The following CEP85 variants were observed in gnomAD, a reference collection of about 807,000 sequenced individuals.
The protein encoded by CEP85 is centrosomal protein 85.
A neutral mutation model predicts 93.7 loss-of-function variants in CEP85; 58 were observed. That is an observed-to-expected ratio of 0.62 (90% CI 0.50 to 0.77). The LOEUF is 0.77. CEP85 is among the 30% of genes least tolerant of loss of function. The probability of loss-of-function intolerance (pLI) is 0.00; values close to 1 mark genes in which losing one functional copy is unlikely to be tolerated. For synonymous variants in CEP85, 314 were observed against 338.6 expected (o/e 0.93, Z 0.80); for missense variants, 868 against 922.0 (o/e 0.94, Z 0.76).
rs778405534 is a variant in CEP85, at chr1:26,255,297, G to T, written c.335G>T (p.Gly112Val). The T allele has an allele frequency of 6.2e-7, 1 of 1,613,980 alleles. No individual in the cohort carries two copies. The highest frequency in any genetic ancestry group is 8.5e-7 in the Non-Finnish European group (1 of 1,180,036). ...GCCAAGCCAAATTCTACACCTGTTG[G>T]ACCCTCTTCCTCTAAACTCCCTTTG... ...SPAKPNSTPV[G>V]PSSSKLPLSG... is the part of the protein sequence containing the mutation. The change falls in exon 4 of 14, where the codon GGA (glycine) becomes GTA (valine). Residue 112 changes from glycine to valine, a missense_variant. Gly to Val is a moderately radical substitution (Grantham distance 109). Transcript: ENST00000451429.
At chr1:26,267,954 G>A (rs2089916572) in intron 7 of CEP85, among the ~76,000 whole-genome samples, 1 of 152,202 alleles carries the variant, frequency 6.6e-6, no homozygotes, top group African/African-American at 2.4e-5. Flanking sequence ...GGCCTCCCAG[G>A]AACCAGGTAC....
chr1:26,239,293 G>A (rs1427787870), intron 1 of CEP85, among the ~76,000 whole-genome samples: 1 of 152,130 alleles, frequency 6.6e-6, no homozygotes, highest in Non-Finnish European at 1.5e-5. Context: ...AGTAAAACAT[G>A]TAAAAACATA....
At chr1:26,249,299 C>G (rs926768556) in intron 3 of CEP85, among the ~76,000 whole-genome samples, 1 of 152,202 alleles carries the variant, frequency 6.6e-6, no homozygotes, top group Non-Finnish European at 1.5e-5. Flanking sequence ...CCAGACTGGT[C>G]TCGAAGTCCT....
intron 11 of CEP85, among the ~76,000 whole-genome samples, chr1:26,274,544 G>A (rs1264129976): frequency 6.6e-6 from 1 of 152,224 alleles, no homozygotes; most frequent in Non-Finnish European, 1.5e-5. Flanking sequence ...ATTGAAGACA[G>A]CTCAGGTGTG....
chr1:26,244,364 T>A, intron 3 of CEP85, 46 bp downstream of exon 3: 2 of 1,562,270 alleles, frequency 1.3e-6, no homozygotes, highest in South Asian at 2.3e-5. Flanking sequence ...GTTCTCATTT[T>A]CAGATTGCAT....
chr1:26,263,459 A>T (rs77654383), intron 7 of CEP85: 2,624 of 157,472 alleles, frequency 0.017, 81 homozygotes, highest in African/African-American at 0.059. Flanking sequence ...AAGGAGCAGG[A>T]TGGCAGGGAC....
rs1372659119 is a variant in CEP85, at chr1:26,272,048, G to C, written c.1771G>C (p.Asp591His). ...KIVEKQQQKM[D>H]QLRSQVQSLE... ...TGTGGAGAAGCAGCAGCAGAAGATGGATCAGTTGCGCTCACAAGTACAGGT... is the reference window on the plus strand; with the variant it reads ...TGTGGAGAAGCAGCAGCAGAAGATGCATCAGTTGCGCTCACAAGTACAGGT... Residue 591 changes from aspartate (D) to histidine (H), a missense_variant, in exon 11 of 14, where the codon GAT (aspartate) becomes CAT (histidine). By Grantham distance (81) the Asp-to-His change is moderately conservative. Transcript: ENST00000451429. The C allele has an allele frequency of 1.2e-6, 2 of 1,614,030 alleles. No homozygotes were observed. Among genetic ancestry groups the C allele is most frequent in the Middle Eastern group, 1.6e-4 (1 of 6,084 alleles).
intron 3 of CEP85, among the ~76,000 whole-genome samples, 188 bp downstream of exon 3, chr1:26,244,506 C>T (rs2089479760): frequency 6.6e-6 from 1 of 152,094 alleles, no homozygotes; most frequent in South Asian, 2.1e-4. Flanking sequence ...TAAATTTCTA[C>T]TTTTTATCTT....
At chr1:26,274,155 C>T (rs1329671359) in intron 11 of CEP85, among the ~76,000 whole-genome samples, 2 of 151,660 alleles carry the variant, frequency 1.3e-5, no homozygotes, top group Non-Finnish European at 2.9e-5. Context: ...AAATATCTCC[C>T]TTCCCCTGAC....
intron 3 of CEP85, among the ~76,000 whole-genome samples, chr1:26,247,372 T>C (rs1012054267): frequency 2.6e-5 from 4 of 152,012 alleles, no homozygotes; most frequent in Admixed American, 6.6e-5. Context: ...TGTATTTCAA[T>C]AAAGGTTTTT....
In CEP85 at chr1:26,255,694, C is replaced by T; in HGVS notation, c.732C>T (p.Ser244=). 4 of 1,614,158 alleles carry T rather than the reference C, an allele frequency of 2.5e-6. No individual in the cohort carries two copies. Among genetic ancestry groups the T allele is most frequent in the Non-Finnish European group, 3.4e-6 (4 of 1,180,028 alleles). ...VFERNGPHSN[S]SGVLPLGLQP... ...AGCGGAATGGACCACATTCTAATAG[C>T]AGTGGGGTCCTCCCTTTGGGACTCC... Residue 244 remains serine, a synonymous_variant, in exon 4 of 14, where the codon AGC becomes AGT. Transcript: ENST00000451429.
chr1:26,278,564 T>C lies in CEP85; in HGVS notation c.*1271T>C, dbSNP rs1229043284. 2.0e-5 allele frequency: 3 copies of C among 152,660 alleles called. No individual in the cohort carries two copies. The highest frequency in any genetic ancestry group is 7.2e-5 in the African/African-American group (3 of 41,460). 9.5% of individuals were successfully genotyped at this position (152,660 alleles called of 1,614,324 possible). A position where few individuals can be genotyped will look rare whatever the true frequency, so the allele number is the denominator to read the frequency against. ...TGTTTTTACAAGTTTGTGTTTTATT[T>C]ATGGAGTGACTTATCCCTTCCATTC... is the stretch of plus-strand genomic sequence containing the variant. On this transcript the variant is annotated 3_prime_UTR_variant, in exon 14 of 14. Coordinates refer to ENST00000451429, the MANE Select transcript of CEP85 (RefSeq NM_001319944.2).
At chr1:26,262,638 T>C (rs1041914569) in intron 7 of CEP85, among the ~76,000 whole-genome samples, 1 of 152,202 alleles carries the variant, frequency 6.6e-6, no homozygotes, top group Admixed American at 6.5e-5. Flanking sequence ...CAGTGAGCAG[T>C]TCCCTACTTC....
intron 3 of CEP85, among the ~76,000 whole-genome samples, chr1:26,251,232 C>T (rs866403016): frequency 2.7e-5 from 4 of 146,314 alleles, no homozygotes; most frequent in South Asian, 2.1e-4. Flanking sequence ...CATAAACCAC[C>T]GTGCCCAACC....
chr1:26,270,954 C>T, intron 9 of CEP85, 60 bp from the exon 10 acceptor site: 1 of 1,057,208 alleles, frequency 9.5e-7, no homozygotes, highest in Non-Finnish European at 1.5e-6. Context: ...GTAGCAGAAC[C>T]AAGAATCAAA....
chr1:26,248,024 T>G (rs1388107023), intron 3 of CEP85, among the ~76,000 whole-genome samples: 1 of 152,162 alleles, frequency 6.6e-6, no homozygotes, highest in Non-Finnish European at 1.5e-5. Flanking sequence ...CAGTAACTAT[T>G]GAGTAGAATT....
intron 1 of CEP85, among the ~76,000 whole-genome samples, chr1:26,238,202 C>CTTTTTTT (rs67466493): frequency 0.5 from 44,058 of 87,822 alleles, 14,146 homozygotes; most frequent in Non-Finnish European, 0.54. Flanking sequence ...GTCCCAAACT[C>CTTTTTTT]TTTTTTTTTT....
In CEP85 at chr1:26,257,693, G is replaced by A; in HGVS notation, c.1000G>A (p.Glu334Lys). 1 of 1,614,138 alleles carries A rather than the reference G, an allele frequency of 6.2e-7. No individual in the cohort carries two copies. Among genetic ancestry groups the A allele is most frequent in the Non-Finnish European group, 8.5e-7 (1 of 1,180,022 alleles). The change falls in exon 5 of 14, where the codon GAA becomes AAA. Residue 334 changes from glutamate (E) to lysine (K), a missense_variant. By Grantham distance (56) the Glu-to-Lys change is moderately conservative. Coordinates refer to ENST00000451429, the MANE Select transcript of CEP85 (RefSeq NM_001319944.2). Reference protein sequence around the residue: ...AQWISILNSNEHLLKEKELLI... With the variant: ...AQWISILNSNKHLLKEKELLI... The stretch of plus-strand genomic sequence containing the variant: ...GTGGATCAGCATCTTGAACAGTAAT[G>A]AACACCTTCTGAAGGAAAAAGAGCT...
intron 1 of CEP85, among the ~76,000 whole-genome samples, chr1:26,234,983 C>T (rs1040954909): frequency 6.6e-6 from 1 of 152,146 alleles, no homozygotes; most frequent in African/African-American, 2.4e-5. Context: ...GTGTGTAGGA[C>T]GCCCCCAACA....
Sources: gnomAD v4.1 joint callset for allele counts (sites outside exome capture counted in the v4.1 genomes callset) on GRCh38, gnomAD v4.1.1 for gene constraint, MANE v1.5 for transcripts, NCBI Gene and HGNC (gene_info 2026-07-23, HGNC 2026-07-21) for gene names.